The following DMXL1 variants were observed in gnomAD, a reference collection of about 807,000 sequenced individuals.
DMXL1 encodes dmX-like protein 1.
In DMXL1, 99 loss-of-function variants were observed where a neutral mutation model predicts 319.2. The ratio of observed to expected loss-of-function variants is 0.31; its 90% CI spans 0.26 to 0.37. The LOEUF (loss-of-function observed/expected upper bound fraction) is 0.37. Among genes scored for constraint, DMXL1 ranks in the 10% least tolerant of loss-of-function variants. The pLI, the probability that DMXL1 is intolerant of heterozygous loss-of-function variation, is 1.00. For missense variants in DMXL1, 3,745 were observed against 3,595.6 expected, an observed-to-expected ratio of 1.04 and a Z score of -1.06; for synonymous variants, 1,385 against 1,235.2, an observed-to-expected ratio of 1.12 and a Z score of -2.54.
chr5:119,247,165 T>A lies in DMXL1; in HGVS notation c.9093T>A (p.Asp3031Glu), dbSNP rs1789946642. The change falls in exon 44 of 44, where the codon GAT becomes GAA. Residue 3031 changes from aspartate (D) to glutamate (E), a missense_variant. Coordinates refer to ENST00000539542, the MANE Select transcript of DMXL1 (RefSeq NM_001290321.3). ...DGTMKMRILP[D>E]QFSPLNEVLK... ...CAATGAAAATGAGAATACTGCCAGA[T>A]CAGTTTAGCCCTTTAAATGAAGTGT... 1.2e-6 allele frequency: 2 copies of A among 1,614,118 alleles called. No homozygotes were observed. The highest frequency in any genetic ancestry group is 1.7e-6 in the Non-Finnish European group (2 of 1,180,000).
chr5:119,184,134 C>T (rs1371508917), intron 28 of DMXL1, among the ~76,000 whole-genome samples: 1 of 151,410 alleles, frequency 6.6e-6, no homozygotes, highest in Non-Finnish European at 1.5e-5. Context: ...GCTCATTTTA[C>T]AGCCTTGGCC....
intron 33 of DMXL1, among the ~76,000 whole-genome samples, chr5:119,205,355 C>T (rs949207845): frequency 3.9e-5 from 6 of 152,054 alleles, no homozygotes; most frequent in African/African-American, 1.2e-4. Flanking sequence ...GTAAACATAG[C>T]AAATAATAAG....
At chr5:119,132,536 C>G (rs10062007) in intron 10 of DMXL1, 3 of 251,806 alleles carry the variant, frequency 1.2e-5, no homozygotes, top group Non-Finnish European at 2.4e-5. Flanking sequence ...AAAAATTAGC[C>G]GGGCGCAGTG....
intron 38 of DMXL1, among the ~76,000 whole-genome samples, chr5:119,228,933 CTAATTTAA>C (rs1300810059): frequency 6.6e-6 from 1 of 151,718 alleles, no homozygotes; most frequent in African/African-American, 2.4e-5. Flanking sequence ...TGAAATATAG[CTAATTTAA>C]TAATAATGTT....
At chr5:119,089,098 TTA>T (rs1331125762) in intron 1 of DMXL1, among the ~76,000 whole-genome samples, 1 of 151,192 alleles carries the variant, frequency 6.6e-6, no homozygotes, top group East Asian at 1.9e-4. Flanking sequence ...GGGAAATACT[TTA>T]TCTCTCCTTC....
Position 119,167,410 on chromosome 5 carries a change from C to T in DMXL1, c.5137-193C>T, listed in dbSNP as rs373683533. 2.4e-4 allele frequency among the ~76,000 whole-genome samples: 36 copies of T among 152,112 alleles called. 1 individual carries two copies. Among genetic ancestry groups the T allele is most frequent in the African/African-American group, 8.7e-4 (36 of 41,524 alleles). ...TATTTAGTACTAGAAGGTAGGTTTG[C>T]AGTTATTAAATGTTGTCAAGTAGAT... On this transcript the variant is annotated intron_variant, in intron 22 of 43. Transcript: ENST00000539542.
intron 23 of DMXL1, among the ~76,000 whole-genome samples, chr5:119,169,185 A>C (rs1271403963): frequency 4.6e-5 from 7 of 152,170 alleles, no homozygotes; most frequent in African/African-American, 1.4e-4. Flanking sequence ...GCCCTGGCCC[A>C]CTTTCTTATA....
rs754508863 is a variant in DMXL1 at position 119,148,889 on chromosome 5, A to T, written c.3062A>T (p.Tyr1021Phe). 3 of 1,613,740 alleles carry T rather than the reference A, an allele frequency of 1.9e-6. No individual in the cohort carries two copies. The highest frequency in any genetic ancestry group is 2.5e-6 in the Non-Finnish European group (3 of 1,179,836). ...TSKNGKIDLA[Y>F]IWEEWPLLIE... Reference sequence around the variant, plus strand: ...AAGAATGGAAAAATTGATCTTGCATACATTTGGGAAGAATGGCCATTACTT... The same window carrying T: ...AAGAATGGAAAAATTGATCTTGCATTCATTTGGGAAGAATGGCCATTACTT... The change falls in exon 18 of 44, where the codon TAC (tyrosine) becomes TTC (phenylalanine). Residue 1021 changes from tyrosine to phenylalanine, a missense_variant. Coordinates refer to ENST00000539542, the MANE Select transcript of DMXL1 (RefSeq NM_001290321.3).
intron 28 of DMXL1, among the ~76,000 whole-genome samples, chr5:119,179,161 T>C (rs2150318950): frequency 6.6e-6 from 1 of 152,318 alleles, no homozygotes; most frequent in South Asian, 2.1e-4. Flanking sequence ...ACTGTATTTT[T>C]TTCATGTATT....
intron 1 of DMXL1, among the ~76,000 whole-genome samples, chr5:119,082,673 C>T (rs1752500973): frequency 6.6e-6 from 1 of 152,188 alleles, no homozygotes; most frequent in African/African-American, 2.4e-5. Flanking sequence ...AAGATTAAAT[C>T]ACTGTACTTG....
At chr5:119,217,486 C>T (rs1783887370) in intron 35 of DMXL1, among the ~76,000 whole-genome samples, 1 of 152,108 alleles carries the variant, frequency 6.6e-6, no homozygotes, top group Non-Finnish European at 1.5e-5. Context: ...AAGAGGTGGC[C>T]TTAGGTACTA....
intron 40 of DMXL1, among the ~76,000 whole-genome samples, chr5:119,238,424 G>T (rs1788143751): frequency 6.6e-6 from 1 of 152,086 alleles, no homozygotes; most frequent in African/African-American, 2.4e-5. Context: ...CTGTTTGGTA[G>T]AATATTGAAA....
intron 1 of DMXL1, among the ~76,000 whole-genome samples, chr5:119,091,525 A>G (rs781343590): frequency 4.0e-5 from 6 of 151,896 alleles, no homozygotes; most frequent in Non-Finnish European, 5.9e-5. Context: ...TTTCTTGTGG[A>G]TGCACACCTA....
intron 34 of DMXL1, among the ~76,000 whole-genome samples, chr5:119,216,212 T>C (rs1485525246): frequency 1.3e-5 from 2 of 152,032 alleles, no homozygotes; most frequent in East Asian, 3.9e-4. Context: ...TAAGTGTCGA[T>C]TTTATATAGT....
chr5:119,113,369 G>A (rs1760097783), intron 5 of DMXL1, among the ~76,000 whole-genome samples: 1 of 152,108 alleles, frequency 6.6e-6, no homozygotes, highest in Non-Finnish European at 1.5e-5. Flanking sequence ...AGCCTTCCAA[G>A]TAGCTGGGAT....
At chr5:119,089,836 G>T (rs1221270168) in intron 1 of DMXL1, among the ~76,000 whole-genome samples, 1 of 151,180 alleles carries the variant, frequency 6.6e-6, no homozygotes, top group African/African-American at 2.4e-5. Context: ...AGGTTGGTCA[G>T]GCTGGTCTTG....
chr5:119,089,074 G>A (rs563791789), intron 1 of DMXL1, among the ~76,000 whole-genome samples: 5 of 150,656 alleles, frequency 3.3e-5, no homozygotes, highest in South Asian at 2.1e-4. Context: ...GGTGAATTTC[G>A]TCACCCTTTG....
intron 14 of DMXL1, 43 bp downstream of exon 14, chr5:119,143,973 T>C (rs993407736): frequency 2.4e-6 from 3 of 1,259,120 alleles, no homozygotes; most frequent in Middle Eastern, 1.9e-4. Flanking sequence ...AAAAAAAGTT[T>C]ATGAAAGCAT....
intron 5 of DMXL1, among the ~76,000 whole-genome samples, chr5:119,111,152 T>C (rs1759499731): frequency 6.6e-6 from 1 of 152,032 alleles, no homozygotes; most frequent in African/African-American, 2.4e-5. Context: ...TAAATTAGAG[T>C]CTTTCATACC....
Sources: allele counts gnomAD v4.1 joint callset (sites outside exome capture counted in the v4.1 genomes callset), GRCh38; gene constraint gnomAD v4.1.1; transcripts MANE v1.5; gene names NCBI Gene and HGNC (gene_info 2026-07-23, HGNC 2026-07-21).